Variants in MACROD2 observed in about 807,000 individuals in gnomAD.
The protein encoded by MACROD2 is mono-ADP ribosylhydrolase 2, also known as ADP-ribose glycohydrolase MACROD2.
A neutral mutation model predicts 70.4 loss-of-function variants in MACROD2; 36 were observed. The ratio of observed to expected loss-of-function variants is 0.51; its 90% CI spans 0.39 to 0.68. The LOEUF is 0.68. Ranked by LOEUF, MACROD2 falls within the 30% of genes least tolerant of loss-of-function variation. The pLI, the probability that MACROD2 is intolerant of heterozygous loss-of-function variation, is 0.00. For missense variants in MACROD2, 496 were observed against 538.4 expected (o/e 0.92, Z 0.78); for synonymous variants, 172 against 178.8 (o/e 0.96, Z 0.30).
intron 6 of MACROD2, among the ~76,000 whole-genome samples, chr20:15,373,905 A>G (rs2045526862): frequency 6.6e-6 from 1 of 152,094 alleles, no homozygotes; most frequent in Admixed American, 6.6e-5. Flanking sequence ...CATCTTTTAC[A>G]TGCATGTGTT....
chr20:14,744,362 A>T (rs538086533), intron 5 of MACROD2, among the ~76,000 whole-genome samples: 198 of 152,358 alleles, frequency 1.3e-3, no homozygotes, highest in African/African-American at 4.3e-3. Context: ...TGTATTTACC[A>T]TGTACAACAT....
intron 6 of MACROD2, among the ~76,000 whole-genome samples, chr20:15,424,517 A>G (rs937497928): frequency 2.6e-5 from 4 of 152,340 alleles, no homozygotes; most frequent in African/African-American, 7.2e-5. Context: ...CAGGAGTTTG[A>G]CACTAGCCTG....
Position 14,662,557 on chromosome 20 carries a change from C to G in MACROD2, c.302-22286C>G, listed in dbSNP as rs578166326. Among the ~76,000 whole-genome samples the G allele has an allele frequency of 2.5e-4, 38 of 152,272 alleles. No homozygotes were observed. In the South Asian group the frequency reaches 4.8e-3, roughly 19 times the overall value. On this transcript the variant is annotated intron_variant, in intron 4 of 17. Coordinates refer to ENST00000684519, the MANE Select transcript of MACROD2 (RefSeq NM_001351661.2). ...GTCAACAGAATGAACAGACAACCTA[C>G]AGAATGGGAGAAAATGTTTGCAAAC...
chr20:15,028,679 T>C (rs1236392216), intron 5 of MACROD2, among the ~76,000 whole-genome samples: 1 of 152,118 alleles, frequency 6.6e-6, no homozygotes, highest in Non-Finnish European at 1.5e-5. Context: ...GGGAAGGTCT[T>C]ACAGAGGAAG....
intron 3 of MACROD2, among the ~76,000 whole-genome samples, chr20:14,155,639 C>G (rs988634193): frequency 6.6e-6 from 1 of 152,018 alleles, no homozygotes; most frequent in Non-Finnish European, 1.5e-5. Flanking sequence ...CTTTTTTAAT[C>G]TTAAAATAGG....
intron 3 of MACROD2, among the ~76,000 whole-genome samples, chr20:14,265,697 A>T (rs2122330691): frequency 6.6e-6 from 1 of 151,958 alleles, no homozygotes; most frequent in Admixed American, 6.6e-5. Context: ...CTCACATTTT[A>T]AAAACGCTTG....
At chr20:14,636,739 C>T (rs903774137) in intron 4 of MACROD2, among the ~76,000 whole-genome samples, 11 of 152,124 alleles carry the variant, frequency 7.2e-5, no homozygotes, top group South Asian at 6.2e-4. Context: ...GTGTATTGTA[C>T]TTCATATCTA....
chr20:15,842,308 A>G lies in MACROD2; in HGVS notation c.646-20437A>G, dbSNP rs372358220. ...ATGGAGCTGTTGGGAAAGGGACAGC[A>G]TCCAGAATGTGAGAATAATAGGCCA... On this transcript the variant is annotated intron_variant, in intron 8 of 17. Coordinates refer to ENST00000684519, the MANE Select transcript of MACROD2 (RefSeq NM_001351661.2). Among the ~76,000 whole-genome samples, 395 of 152,172 alleles carry G rather than the reference A, an allele frequency of 2.6e-3. 1 individual carries two copies. Among genetic ancestry groups the G allele is most frequent in the Non-Finnish European group, 4.5e-3 (306 of 68,004 alleles).
intron 6 of MACROD2, among the ~76,000 whole-genome samples, chr20:15,319,685 G>T (rs755220759): frequency 1.1e-4 from 17 of 152,150 alleles, no homozygotes; most frequent in Non-Finnish European, 2.2e-4. Flanking sequence ...ATCAATACAT[G>T]TGCATTGAAG....
At chr20:14,284,416 C>T (rs1289476852) in intron 3 of MACROD2, among the ~76,000 whole-genome samples, 1 of 152,190 alleles carries the variant, frequency 6.6e-6, no homozygotes, top group African/African-American at 2.4e-5. Flanking sequence ...CCATTTGAAA[C>T]AGCAAATTAC....
chr20:15,857,379 C>G (rs175800), intron 8 of MACROD2, among the ~76,000 whole-genome samples: 126,882 of 152,164 alleles, frequency 0.83, 53,434 homozygotes, highest in East Asian at 1. Context: ...CCACAGAGAT[C>G]CACAGGCCCA....
intron 8 of MACROD2, among the ~76,000 whole-genome samples, chr20:15,504,326 A>G (rs927324915): frequency 4.6e-5 from 7 of 152,322 alleles, no homozygotes; most frequent in Middle Eastern, 3.4e-3. Context: ...CAGTGGCTCA[A>G]ACAGTGGCAG....
intron 8 of MACROD2, among the ~76,000 whole-genome samples, chr20:15,658,345 A>G (rs1296686169): frequency 6.6e-6 from 1 of 151,252 alleles, no homozygotes; most frequent in African/African-American, 2.4e-5. Context: ...CTTTCCTTGT[A>G]TGTGCTTGAT....
At chr20:14,011,067 C>G (rs1000191994) in intron 2 of MACROD2, among the ~76,000 whole-genome samples, 1 of 152,098 alleles carries the variant, frequency 6.6e-6, no homozygotes, top group African/African-American at 2.4e-5. Context: ...GCTTAAAGGT[C>G]CTTATGACCC....
intron 5 of MACROD2, among the ~76,000 whole-genome samples, chr20:15,184,489 C>G (rs978427511): frequency 5.3e-5 from 8 of 152,208 alleles, no homozygotes; most frequent in Non-Finnish European, 1.2e-4. Context: ...ATGTCATCCT[C>G]CTAGTTGAGT....
chr20:16,047,013 G>A (rs2067392360), intron 17 of MACROD2, among the ~76,000 whole-genome samples: 1 of 152,118 alleles, frequency 6.6e-6, no homozygotes, highest in African/African-American at 2.4e-5. Flanking sequence ...TAAATTCCAG[G>A]AAGGAGAAGT....
At chr20:14,115,293 T>C (rs2054500532) in intron 3 of MACROD2, among the ~76,000 whole-genome samples, 1 of 152,166 alleles carries the variant, frequency 6.6e-6, no homozygotes, top group Non-Finnish European at 1.5e-5. Flanking sequence ...GAAAAATATA[T>C]AAAACAAAAT....
chr20:14,133,355 C>T (rs1368653394), intron 3 of MACROD2, among the ~76,000 whole-genome samples: 1 of 152,202 alleles, frequency 6.6e-6, no homozygotes. Context: ...GATGACAAAT[C>T]ATGATCATTT....
At chr20:15,174,336 A>G (rs2076443927) in intron 5 of MACROD2, among the ~76,000 whole-genome samples, 1 of 152,172 alleles carries the variant, frequency 6.6e-6, no homozygotes, top group Non-Finnish European at 1.5e-5. Context: ...TCCAGCACAT[A>G]TTTTTTAAGT....
Sources: gnomAD v4.1 joint callset for allele counts (sites outside exome capture counted in the v4.1 genomes callset) on GRCh38, gnomAD v4.1.1 for gene constraint, MANE v1.5 for transcripts, NCBI Gene and HGNC (gene_info 2026-07-23, HGNC 2026-07-21) for gene names.